Variants in RALYL observed in about 807,000 individuals in gnomAD.
The protein encoded by RALYL is RALY RNA binding protein like, also known as RNA-binding Raly-like protein.
In RALYL, 29 loss-of-function variants were observed where a neutral mutation model predicts 35.1. That is an observed-to-expected ratio of 0.83 (90% CI 0.61 to 1.13). The LOEUF (loss-of-function observed/expected upper bound fraction) is 1.13, where lower values mean the gene tolerates loss of function less well. Among genes scored for constraint, RALYL ranks in the 50% most tolerant of loss-of-function variants. The probability of loss-of-function intolerance (pLI) is 0.00; values close to 1 mark genes in which losing one functional copy is unlikely to be tolerated. For missense variants in RALYL, 359 were observed against 360.4 expected (o/e 1.00, Z 0.03); for synonymous variants, 120 against 127.6 (o/e 0.94, Z 0.40).
intron 1 of RALYL, among the ~76,000 whole-genome samples, chr8:84,189,082 G>GCC (rs1563501267): frequency 6.6e-6 from 1 of 152,060 alleles, no homozygotes; most frequent in African/African-American, 2.4e-5. Context: ...GGCTGTCCTT[G>GCC]CAGACTCCTC....
At chr8:84,488,990 A>G (rs1385337429) in intron 1 of RALYL, among the ~76,000 whole-genome samples, 1 of 152,084 alleles carries the variant, frequency 6.6e-6, no homozygotes, top group Non-Finnish European at 1.5e-5. Context: ...AAGCCATGTA[A>G]AGATTGAATA....
chr8:84,634,726 G>C (rs543043874), intron 2 of RALYL, among the ~76,000 whole-genome samples: 15 of 151,940 alleles, frequency 9.9e-5, no homozygotes, highest in African/African-American at 3.6e-4. Context: ...TGGTCAGAAA[G>C]ATAGAAGAGA....
At chr8:84,876,985 A>G (rs970122260) in intron 7 of RALYL, among the ~76,000 whole-genome samples, 1 of 152,184 alleles carries the variant, frequency 6.6e-6, no homozygotes, top group South Asian at 2.1e-4. Context: ...TGCACTTTTC[A>G]GTTTGCTAAT....
chr8:84,630,690 A>T (rs1212083917), intron 2 of RALYL, among the ~76,000 whole-genome samples: 1 of 152,016 alleles, frequency 6.6e-6, no homozygotes, highest in Non-Finnish European at 1.5e-5. Context: ...ACATTACCAA[A>T]CTAAAAACTG....
At chr8:84,467,460 G>A (rs9773749) in intron 1 of RALYL, among the ~76,000 whole-genome samples, 5,745 of 151,392 alleles carry the variant, frequency 0.038, 218 homozygotes, top group African/African-American at 0.095. Context: ...GCTTTGAGTG[G>A]GATTCTTAAT....
intron 8 of RALYL, among the ~76,000 whole-genome samples, chr8:84,899,754 G>A (rs1387772164): frequency 1.3e-5 from 2 of 152,120 alleles, no homozygotes; most frequent in African/African-American, 2.4e-5. Context: ...TGTCTCCCAC[G>A]AGTGATAGAA....
chr8:84,514,583 C>T (rs556574226), intron 1 of RALYL, among the ~76,000 whole-genome samples: 2 of 152,134 alleles, frequency 1.3e-5, no homozygotes, highest in East Asian at 1.9e-4. Context: ...TTCCTTCCAA[C>T]TATATCACAA....
intron 1 of RALYL, among the ~76,000 whole-genome samples, chr8:84,257,328 C>G (rs1831397766): frequency 6.6e-6 from 1 of 152,076 alleles, no homozygotes; most frequent in African/African-American, 2.4e-5. Flanking sequence ...CATTAGGTCA[C>G]AGATTATTGA....
At chr8:84,653,545 C>A (rs991001267) in intron 2 of RALYL, among the ~76,000 whole-genome samples, 2 of 152,006 alleles carry the variant, frequency 1.3e-5, no homozygotes, top group East Asian at 1.9e-4. Context: ...TTTTCCCTCT[C>A]ATTTCCCAAT....
chr8:84,619,516 C>CAT (rs1820745428), intron 2 of RALYL, among the ~76,000 whole-genome samples: 1 of 146,510 alleles, frequency 6.8e-6, no homozygotes, highest in Non-Finnish European at 1.5e-5. Context: ...TTCCTGAATA[C>CAT]AGCACACTGA....
chr8:84,572,618 A>G (rs781734052), intron 2 of RALYL, among the ~76,000 whole-genome samples: 1 of 151,760 alleles, frequency 6.6e-6, no homozygotes, highest in Non-Finnish European at 1.5e-5. Context: ...CTCCTCTTCT[A>G]TTTACAATAA....
At chr8:84,328,817 G>A (rs1239688837) in intron 1 of RALYL, among the ~76,000 whole-genome samples, 3 of 152,074 alleles carry the variant, frequency 2.0e-5, no homozygotes, top group Admixed American at 2.0e-4. Context: ...GTCCATGAAT[G>A]CCCAGTGTTT....
chr8:84,419,253 A>C (rs1054021938), intron 1 of RALYL, among the ~76,000 whole-genome samples: 1 of 152,046 alleles, frequency 6.6e-6, no homozygotes, highest in Admixed American at 6.6e-5. Context: ...TGTTCACCAT[A>C]ATTTATGACA....
At chr8:84,504,224 G>A (rs1350658374) in intron 1 of RALYL, among the ~76,000 whole-genome samples, 1 of 151,976 alleles carries the variant, frequency 6.6e-6, no homozygotes, top group Non-Finnish European at 1.5e-5. Flanking sequence ...AAAGAGATGA[G>A]GTTAAATATG....
intron 6 of RALYL, among the ~76,000 whole-genome samples, chr8:84,867,176 T>G (rs1373534697): frequency 1.3e-5 from 2 of 152,164 alleles, no homozygotes; most frequent in Non-Finnish European, 2.9e-5. Context: ...TCTTTGTGTG[T>G]CTTGTCTAAT....
intron 5 of RALYL, among the ~76,000 whole-genome samples, chr8:84,854,355 A>AAAGAAAAAGG (rs33912124): frequency 6.6e-6 from 1 of 151,720 alleles, no homozygotes; most frequent in African/African-American, 2.4e-5. Context: ...AAAAAAAGAA[A>AAAGAAAAAGG]AAGAAAAAGG....
At chr8:84,728,244 G>A (rs375010696) in intron 2 of RALYL, among the ~76,000 whole-genome samples, 13,320 of 151,410 alleles carry the variant, frequency 0.088, 1,507 homozygotes, top group African/African-American at 0.27. Flanking sequence ...GCATTTTTTC[G>A]TGTGTTTTTT....
At chr8:84,686,471 C>T (rs1367057341) in intron 2 of RALYL, among the ~76,000 whole-genome samples, 5 of 152,160 alleles carry the variant, frequency 3.3e-5, no homozygotes, top group African/African-American at 1.2e-4. Context: ...GTGGTGCAAT[C>T]TCAGTTCACT....
intron 1 of RALYL, among the ~76,000 whole-genome samples, chr8:84,444,827 C>T (rs2048695399): frequency 6.6e-6 from 1 of 152,010 alleles, no homozygotes; most frequent in Non-Finnish European, 1.5e-5. Flanking sequence ...TTTGTTTTGG[C>T]ACCTTGAATT....
Sources: allele counts gnomAD v4.1 joint callset (sites outside exome capture counted in the v4.1 genomes callset), GRCh38; gene constraint gnomAD v4.1.1; transcripts MANE v1.5; gene names NCBI Gene and HGNC (gene_info 2026-07-23, HGNC 2026-07-21).